PCDH15: variants seen among roughly 807,000 people sequenced by gnomAD.
The protein encoded by PCDH15 is protocadherin-15.
Under a neutral mutation model 178.5 loss-of-function variants are expected in PCDH15, and 129 were observed. The ratio of observed to expected loss-of-function variants is 0.72; its 90% CI spans 0.63 to 0.84. The LOEUF (loss-of-function observed/expected upper bound fraction) is 0.84, where lower values mean the gene tolerates loss of function less well. Among genes scored for constraint, PCDH15 ranks in the 40% least tolerant of loss-of-function variants. PCDH15 has a pLI of 0.00. For missense variants in PCDH15, 2,230 were observed against 2,099.9 expected (o/e 1.06, Z -1.21); for synonymous variants, 800 against 732.0 (o/e 1.09, Z -1.50).
At chr10:54,970,981 C>G (rs1363131628) in intron 2 of PCDH15, among the ~76,000 whole-genome samples, 6 of 152,138 alleles carry the variant, frequency 3.9e-5, no homozygotes, top group African/African-American at 1.4e-4. Flanking sequence ...AGCAGAAGAG[C>G]AAATTCCTCA....
intron 18 of PCDH15, among the ~76,000 whole-genome samples, chr10:54,046,723 T>C (rs1406277486): frequency 6.6e-6 from 1 of 152,192 alleles, no homozygotes; most frequent in African/African-American, 2.4e-5. Flanking sequence ...ATTCTATACC[T>C]GATTTGGACT....
At chr10:54,762,084 C>T (rs35330439) in intron 1 of PCDH15, among the ~76,000 whole-genome samples, 1,530 of 152,154 alleles carry the variant, frequency 0.01, 11 homozygotes, top group Non-Finnish European at 0.016. Flanking sequence ...ATATACTCTC[C>T]AACTAATTTA....
At chr10:53,817,739 T>G (rs1052244993) in intron 34 of PCDH15, among the ~76,000 whole-genome samples, 2 of 151,984 alleles carry the variant, frequency 1.3e-5, no homozygotes, top group Non-Finnish European at 2.9e-5. Context: ...GAATACTGAG[T>G]AATAGTAATG....
At chr10:55,510,248 A>C (rs897987818) in intron 2 of PCDH15, among the ~76,000 whole-genome samples, 1 of 151,974 alleles carries the variant, frequency 6.6e-6, no homozygotes, top group African/African-American at 2.4e-5. Flanking sequence ...GAAAAAGACA[A>C]ATTTTTTCTT....
intron 2 of PCDH15, among the ~76,000 whole-genome samples, chr10:55,341,618 G>T: frequency 6.8e-6 from 1 of 146,218 alleles, no homozygotes; most frequent in East Asian, 2.0e-4. Flanking sequence ...TCGCCTGACT[G>T]GAGTGCACTG....
At chr10:55,548,843 T>C (rs1841945327) in intron 2 of PCDH15, among the ~76,000 whole-genome samples, 1 of 152,050 alleles carries the variant, frequency 6.6e-6, no homozygotes, top group Non-Finnish European at 1.5e-5. Context: ...GGTTGAAGAA[T>C]ATATAGAAAA....
chr10:54,056,732 C>A (rs767121130), intron 18 of PCDH15, among the ~76,000 whole-genome samples: 20 of 152,130 alleles, frequency 1.3e-4, no homozygotes, highest in Admixed American at 3.3e-4. Flanking sequence ...AAAAGCCACC[C>A]AAAATCTTAA....
chr10:55,347,006 G>T (rs1360259060), intron 2 of PCDH15, among the ~76,000 whole-genome samples: 1 of 151,934 alleles, frequency 6.6e-6, no homozygotes, highest in South Asian at 2.1e-4. Context: ...CTTGGCTCAG[G>T]AGTTCAAGAC....
chr10:54,707,229 C>G (rs2095374220), intron 1 of PCDH15, among the ~76,000 whole-genome samples: 1 of 152,130 alleles, frequency 6.6e-6, no homozygotes, highest in Admixed American at 6.6e-5. Context: ...AAGTAAGACT[C>G]AACTGACAAA....
intron 18 of PCDH15, among the ~76,000 whole-genome samples, chr10:54,045,702 C>T (rs2093641590): frequency 6.6e-6 from 1 of 152,078 alleles, no homozygotes; most frequent in African/African-American, 2.4e-5. Flanking sequence ...ACACAAAAAT[C>T]ATTTCAGATG....
At chr10:55,216,104 C>A (rs1840694718) in intron 1 of PCDH15, among the ~76,000 whole-genome samples, 1 of 151,524 alleles carries the variant, frequency 6.6e-6, no homozygotes, top group South Asian at 2.1e-4. Flanking sequence ...TTAATGCTCA[C>A]CACCTAGAAA....
intron 2 of PCDH15, among the ~76,000 whole-genome samples, chr10:55,568,742 T>C (rs563457800): frequency 3.3e-5 from 5 of 152,122 alleles, no homozygotes; most frequent in East Asian, 1.9e-4. Flanking sequence ...CACTCAGAAG[T>C]TGGAACAGAA....
At chr10:54,486,247 T>C (rs2079087909) in intron 3 of PCDH15, 1 of 151,966 alleles carries the variant, frequency 6.6e-6, no homozygotes, top group African/African-American at 2.4e-5. Context: ...ACTGGAAGCA[T>C]TGCCCAGAGA....
At chr10:54,189,919 A>ATGTGTGTGTGTGTGTGTG (rs531733552) in intron 11 of PCDH15, among the ~76,000 whole-genome samples, 14 of 108,826 alleles carry the variant, frequency 1.3e-4, no homozygotes, top group African/African-American at 4.4e-4. Context: ...GTATACATGC[A>ATGTGTGTGTGTGTGTGTG]TGTGTATGTG....
intron 2 of PCDH15, among the ~76,000 whole-genome samples, chr10:54,968,649 G>A (rs909253873): frequency 6.6e-6 from 1 of 152,002 alleles, no homozygotes. Context: ...GATTTGTTGA[G>A]CTTCTTGAAT....
chr10:55,399,323 G>T (rs1001915941), intron 2 of PCDH15, among the ~76,000 whole-genome samples: 9 of 151,994 alleles, frequency 5.9e-5, no homozygotes, highest in Non-Finnish European at 1.3e-4. Flanking sequence ...TTTAGCATTG[G>T]AAAATATTCT....
chr10:54,827,983 T>A (rs1953159160), intron 3 of PCDH15, among the ~76,000 whole-genome samples: 1 of 152,080 alleles, frequency 6.6e-6, no homozygotes, highest in Non-Finnish European at 1.5e-5. Flanking sequence ...ATATGCAATC[T>A]TATGCTATAT....
At position 55,439,306 on chromosome 10, in the gene PCDH15, C is replaced by T. The variant is rs552069399; in HGVS notation, c.-156+188319G>A. 3.3e-5 allele frequency among the ~76,000 whole-genome samples: 5 copies of T among 152,210 alleles called. No homozygotes were observed. The South Asian group carries it at 6.2e-4, about 19-fold the overall frequency. On this transcript the variant is annotated intron_variant, in intron 2 of 5. Transcript: ENST00000613346. Reference sequence around the variant, plus strand: ...AGCAGTGAAGTAACAAGAAGAAATCCATGATTTCTTTCACTGGACAAGTAT... The same window carrying T: ...AGCAGTGAAGTAACAAGAAGAAATCTATGATTTCTTTCACTGGACAAGTAT...
At chr10:55,488,911 T>C (rs1840356446) in intron 2 of PCDH15, among the ~76,000 whole-genome samples, 1 of 151,394 alleles carries the variant, frequency 6.6e-6, no homozygotes, top group African/African-American at 2.4e-5. Context: ...ATTCAGAAAG[T>C]AAATGCAATA....
Sources: gnomAD v4.1 joint callset for allele counts (sites outside exome capture counted in the v4.1 genomes callset) on GRCh38, gnomAD v4.1.1 for gene constraint, MANE v1.5 for transcripts, NCBI Gene and HGNC (gene_info 2026-07-23, HGNC 2026-07-21) for gene names.